Variants in FHIT observed in about 807,000 individuals in gnomAD.
FHIT encodes fragile histidine triad diadenosine triphosphatase.
A neutral mutation model predicts 17.9 loss-of-function variants in FHIT; 19 were observed. The ratio of observed to expected loss-of-function variants is 1.06; its 90% CI spans 0.74 to 1.56. The LOEUF is 1.56. FHIT is among the 40% of genes most tolerant of loss of function. The pLI, the probability that FHIT is intolerant of heterozygous loss-of-function variation, is 0.00. For synonymous variants in FHIT, 81 were observed against 69.7 expected, an observed-to-expected ratio of 1.16 and a Z score of -0.81; for missense variants, 248 against 189.2, an observed-to-expected ratio of 1.31 and a Z score of -1.82.
rs78887206 is a variant in FHIT, at chr3:60,817,497, A to G, written c.-18+4422T>C. ...CACAAAGGATATTTTTGCTACACAT[A>G]GAATTCTGGATTAACAGTGTTTTGC... On this transcript the variant is annotated intron_variant, in intron 4 of 9. Coordinates refer to ENST00000492590, the MANE Select transcript of FHIT (RefSeq NM_002012.4). 9.3e-3 allele frequency among the ~76,000 whole-genome samples: 1,414 copies of G among 152,106 alleles called. 18 individuals carry two copies. The highest frequency in any genetic ancestry group is 0.032 in the African/African-American group (1,311 of 41,556).
intron 5 of FHIT, among the ~76,000 whole-genome samples, chr3:60,424,032 CACTT>C (rs896206906): frequency 2.0e-5 from 3 of 152,104 alleles, no homozygotes; most frequent in East Asian, 1.9e-4. Context: ...TAAAGGTAAA[CACTT>C]ACATGGAACC....
chr3:60,465,952 A>G (rs1245064235), intron 5 of FHIT, among the ~76,000 whole-genome samples: 1 of 152,082 alleles, frequency 6.6e-6, no homozygotes, highest in Non-Finnish European at 1.5e-5. Flanking sequence ...TATGGATTGC[A>G]TTGAATCTGC....
chr3:60,728,704 T>TACACACACACACAC (rs56012549), intron 4 of FHIT, among the ~76,000 whole-genome samples: 1 of 147,306 alleles, frequency 6.8e-6, no homozygotes, highest in African/African-American at 2.5e-5. Flanking sequence ...CACACACACA[T>TACACACACACACAC]ACACACACAC....
rs78071532 is a variant in FHIT at position 61,202,610 on chromosome 3, C to T, written c.-212-1945G>A. Among the ~76,000 whole-genome samples the T allele has an allele frequency of 7.9e-4, 120 of 151,694 alleles. 2 individuals carry two copies. The East Asian group carries it at 0.016, about 20-fold the overall frequency. ...TCCTCTGGAAAAAGTATAACAATAT[C>T]TCAAAAAGATAAATAAAAGCAAATG... is the stretch of plus-strand genomic sequence containing the variant. On this transcript the variant is annotated intron_variant, in intron 1 of 9. Transcript: ENST00000492590.
intron 8 of FHIT, among the ~76,000 whole-genome samples, chr3:59,788,881 G>GTTTTTGTTTTTTTTTTTT (rs1553677014): frequency 1.2e-5 from 1 of 86,804 alleles, no homozygotes; most frequent in Non-Finnish European, 2.0e-5. Context: ...GAGTTCATAT[G>GTTTTTGTTTTTTTTTTTT]TTTTTTTTTT....
intron 4 of FHIT, among the ~76,000 whole-genome samples, chr3:60,565,803 C>G (rs915070535): frequency 1.3e-5 from 2 of 152,112 alleles, no homozygotes; most frequent in Non-Finnish European, 2.9e-5. Context: ...CTTCTGCTAG[C>G]TTTTGAATGT....
intron 3 of FHIT, among the ~76,000 whole-genome samples, chr3:61,005,235 C>T (rs908882172): frequency 6.6e-6 from 1 of 152,134 alleles, no homozygotes; most frequent in East Asian, 1.9e-4. Flanking sequence ...ATGACTTCTC[C>T]ATTATTTTAT....
rs947261429 is a variant in FHIT at position 61,089,564 on chromosome 3, TA to T, written c.-163-47466del. Among the ~76,000 whole-genome samples, 273 of 151,556 alleles carry T rather than the reference TA, an allele frequency of 1.8e-3. 2 individuals carry two copies. The highest frequency in any genetic ancestry group is 6.4e-3 in the African/African-American group (266 of 41,368). The stretch of plus-strand genomic sequence containing the variant: ...CCATGTTGTAGCATGTATACTTCAG[TA>T]AAAAAAAATTGAATACAATTGTAAA... On this transcript the variant is annotated intron_variant, in intron 2 of 9. Transcript: ENST00000492590.
At chr3:61,161,278 C>G (rs763903403) in intron 2 of FHIT, among the ~76,000 whole-genome samples, 8 of 151,776 alleles carry the variant, frequency 5.3e-5, no homozygotes, top group Non-Finnish European at 1.2e-4. Flanking sequence ...TCTCGGCTCA[C>G]TGCAACCTCC....
chr3:61,215,719 G>C (rs1461775060), intron 1 of FHIT, among the ~76,000 whole-genome samples: 2 of 152,174 alleles, frequency 1.3e-5, no homozygotes, highest in African/African-American at 4.8e-5. Context: ...AAAGCTGGAG[G>C]CATCACTCTA....
At chr3:59,834,414 TAGAG>T (rs751935214) in intron 8 of FHIT, among the ~76,000 whole-genome samples, 32 of 151,990 alleles carry the variant, frequency 2.1e-4, no homozygotes, top group African/African-American at 4.8e-4. Context: ...AGATAGATGA[TAGAG>T]AGAGAGAGAC....
chr3:60,017,550 T>C (rs932946200), intron 5 of FHIT, among the ~76,000 whole-genome samples: 1 of 152,246 alleles, frequency 6.6e-6, no homozygotes, highest in Non-Finnish European at 1.5e-5. Flanking sequence ...CATTGCTTGT[T>C]GGACAGTCTA....
intron 7 of FHIT, among the ~76,000 whole-genome samples, chr3:60,009,104 T>C (rs555558153): frequency 6.6e-6 from 1 of 151,956 alleles, no homozygotes; most frequent in Admixed American, 6.6e-5. Flanking sequence ...TCAACAACTT[T>C]AGATATGGAT....
chr3:61,045,665 C>G (rs151312972), intron 2 of FHIT, among the ~76,000 whole-genome samples: 1 of 152,154 alleles, frequency 6.6e-6, no homozygotes, highest in Non-Finnish European at 1.5e-5. Flanking sequence ...GAACTCTCCA[C>G]CCCAAATCAA....
intron 5 of FHIT, among the ~76,000 whole-genome samples, chr3:60,072,353 C>T (rs904646056): frequency 6.6e-6 from 1 of 152,134 alleles, no homozygotes; most frequent in Non-Finnish European, 1.5e-5. Flanking sequence ...GTGTCCAGTT[C>T]GATGGCTGTC....
chr3:60,310,611 C>G (rs1431362212), intron 5 of FHIT, among the ~76,000 whole-genome samples: 1 of 152,072 alleles, frequency 6.6e-6, no homozygotes, highest in Non-Finnish European at 1.5e-5. Context: ...AAAACTGGAG[C>G]CTCCAGTCCA....
chr3:60,245,991 A>C (rs1029276086), intron 5 of FHIT, among the ~76,000 whole-genome samples: 1 of 152,110 alleles, frequency 6.6e-6, no homozygotes, highest in Non-Finnish European at 1.5e-5. Context: ...AATTTTCTTA[A>C]ATTTGCCTAT....
At chr3:60,735,515 GA>G (rs1553712369) in intron 4 of FHIT, among the ~76,000 whole-genome samples, 1 of 152,152 alleles carries the variant, frequency 6.6e-6, no homozygotes, top group East Asian at 1.9e-4. Flanking sequence ...TTGTGAAAGG[GA>G]AGAATTTAAA....
At chr3:61,162,691 G>A (rs907568832) in intron 2 of FHIT, among the ~76,000 whole-genome samples, 2 of 152,082 alleles carry the variant, frequency 1.3e-5, no homozygotes. Context: ...CTGATTCTAT[G>A]AGGACTAATT....
Sources: gnomAD v4.1 joint callset for allele counts (sites outside exome capture counted in the v4.1 genomes callset) on GRCh38, gnomAD v4.1.1 for gene constraint, MANE v1.5 for transcripts, NCBI Gene and HGNC (gene_info 2026-07-23, HGNC 2026-07-21) for gene names.